Variants in SLC24A2 observed in about 807,000 individuals in gnomAD.
SLC24A2 encodes the protein sodium/potassium/calcium exchanger 2.
In SLC24A2, 36 loss-of-function variants were observed where a neutral mutation model predicts 62.0. The observed-to-expected ratio is 0.58, with a 90% CI of 0.44 to 0.77. The LOEUF is 0.77. Among genes scored for constraint, SLC24A2 ranks in the 30% least tolerant of loss-of-function variants. The probability of loss-of-function intolerance (pLI) is 0.00; values close to 1 mark genes in which losing one functional copy is unlikely to be tolerated. For missense variants in SLC24A2, 846 were observed against 817.9 expected (o/e 1.03, Z -0.42); for synonymous variants, 358 against 294.0 (o/e 1.22, Z -2.23).
Position 19,513,852 on chromosome 9 carries a change from C to T in SLC24A2, c.*2301G>A, listed in dbSNP as rs1204519832. 6.6e-6 allele frequency: 1 copy of T among 152,170 alleles called. No homozygotes were observed. The highest frequency in any genetic ancestry group is 1.5e-5 in the Non-Finnish European group (1 of 68,026). The allele number at this position is 152,170 out of a possible 1,614,324, so 9.4% of individuals were successfully genotyped here. A position where few individuals can be genotyped will look rare whatever the true frequency, so the allele number is the denominator to read the frequency against. On this transcript the variant is annotated 3_prime_UTR_variant, in exon 11 of 11. Transcript: ENST00000341998. ...AACTGGAGTTTTTAAACGTAAAGTT[C>T]ACTTCCTCATTCTTTCACTCTCTAA...
At chr9:19,921,025 C>A in the SLC24A2 span, among the ~76,000 whole-genome samples, 1 of 146,120 alleles carries the variant, frequency 6.8e-6, no homozygotes, top group Admixed American at 7.0e-5. Flanking sequence ...ATATAAGTAA[C>A]AAGTTTAGAA....
the SLC24A2 span, among the ~76,000 whole-genome samples, chr9:19,943,780 C>T: frequency 6.6e-6 from 1 of 152,116 alleles, no homozygotes; most frequent in African/African-American, 2.4e-5. Context: ...GCTATTTAGC[C>T]TTTTCTCTTC....
chr9:20,188,352 C>T, the SLC24A2 span, among the ~76,000 whole-genome samples: 1 of 152,090 alleles, frequency 6.6e-6, no homozygotes, highest in African/African-American at 2.4e-5. Context: ...CTGCTGTGAA[C>T]AAATGGGGTG....
chr9:20,006,043 A>G, the SLC24A2 span, among the ~76,000 whole-genome samples: 1 of 151,912 alleles, frequency 6.6e-6, no homozygotes, highest in Non-Finnish European at 1.5e-5. Flanking sequence ...ACATAGTCAC[A>G]TATTAAAATA....
the SLC24A2 span, among the ~76,000 whole-genome samples, chr9:19,984,191 A>G: frequency 6.6e-6 from 1 of 152,166 alleles, no homozygotes; most frequent in East Asian, 1.9e-4. Flanking sequence ...ATTCAATACA[A>G]TCTCTATCAA....
chr9:19,840,586 A>G, the SLC24A2 span, among the ~76,000 whole-genome samples: 2 of 152,156 alleles, frequency 1.3e-5, no homozygotes, highest in Non-Finnish European at 2.9e-5. Context: ...ATTGTTTTGT[A>G]ACTTTATATT....
At chr9:20,162,612 C>T in the SLC24A2 span, among the ~76,000 whole-genome samples, 2 of 152,004 alleles carry the variant, frequency 1.3e-5, no homozygotes, top group South Asian at 4.1e-4. Flanking sequence ...AAGAGGGAAT[C>T]CTCCCTAACT....
At chr9:19,934,748 C>T in the SLC24A2 span, among the ~76,000 whole-genome samples, 1 of 152,184 alleles carries the variant, frequency 6.6e-6, no homozygotes, top group Non-Finnish European at 1.5e-5. The surrounding 1 kb of genome is among the most constrained non-coding windows in gnomAD (Gnocchi z 4.1). Flanking sequence ...AGCTCGGGAA[C>T]TTTCTCTTTT....
the SLC24A2 span, among the ~76,000 whole-genome samples, chr9:20,110,382 A>T: frequency 6.6e-6 from 1 of 152,162 alleles, no homozygotes. Context: ...AACAGTCTAA[A>T]AGCTTCTGTA....
the SLC24A2 span, among the ~76,000 whole-genome samples, chr9:20,086,086 T>G: frequency 6.6e-6 from 1 of 152,200 alleles, no homozygotes; most frequent in Non-Finnish European, 1.5e-5. Flanking sequence ...CAGATGACAC[T>G]GTTGCTCCTC....
the SLC24A2 span, among the ~76,000 whole-genome samples, chr9:19,800,613 G>A: frequency 4.0e-3 from 606 of 151,788 alleles, 3 homozygotes; most frequent in Admixed American, 8.3e-3. Context: ...GAGGTGAGTG[G>A]GAAAAACATG....
At chr9:19,985,384 A>C in the SLC24A2 span, among the ~76,000 whole-genome samples, 1 of 152,218 alleles carries the variant, frequency 6.6e-6, no homozygotes, top group African/African-American at 2.4e-5. Flanking sequence ...ATAAACTTAC[A>C]ATGGAAATAC....
intron 4 of SLC24A2, among the ~76,000 whole-genome samples, chr9:19,606,655 C>T (rs2132924413): frequency 6.6e-6 from 1 of 151,802 alleles, no homozygotes; most frequent in East Asian, 1.9e-4. Context: ...CACACACACA[C>T]ACGCACACAC....
At chr9:20,096,199 G>C in the SLC24A2 span, among the ~76,000 whole-genome samples, 1 of 152,098 alleles carries the variant, frequency 6.6e-6, no homozygotes, top group East Asian at 1.9e-4. Context: ...AGCATTGTGA[G>C]ACCAAAAATT....
intron 7 of SLC24A2, among the ~76,000 whole-genome samples, chr9:19,550,843 G>C (rs1237850560): frequency 6.6e-6 from 1 of 151,900 alleles, no homozygotes; most frequent in Non-Finnish European, 1.5e-5. Context: ...GTGTAGTTGT[G>C]AGTTTTTTTC....
intron 5 of SLC24A2, among the ~76,000 whole-genome samples, chr9:19,596,635 A>C (rs986258792): frequency 1.3e-5 from 2 of 152,180 alleles, no homozygotes; most frequent in African/African-American, 4.8e-5. Flanking sequence ...GCCTATCCTC[A>C]TGGAGTGGGA....
At chr9:20,054,545 C>A in the SLC24A2 span, among the ~76,000 whole-genome samples, 1 of 152,164 alleles carries the variant, frequency 6.6e-6, no homozygotes, top group South Asian at 2.1e-4. Context: ...GCAGCATACA[C>A]TGGTACCCAA....
At chr9:20,075,507 T>C in the SLC24A2 span, among the ~76,000 whole-genome samples, 2 of 152,308 alleles carry the variant, frequency 1.3e-5, no homozygotes, top group African/African-American at 2.4e-5. Context: ...ATTGTTAGAC[T>C]GTAGGGTGAC....
chr9:19,971,297 G>C, the SLC24A2 span, among the ~76,000 whole-genome samples: 1 of 152,172 alleles, frequency 6.6e-6, no homozygotes, highest in African/African-American at 2.4e-5. Flanking sequence ...CATGAGTAAA[G>C]AATGTTTATT....
Sources: gnomAD v4.1 joint callset for allele counts (sites outside exome capture counted in the v4.1 genomes callset) on GRCh38, gnomAD v4.1.1 for gene constraint, Gnocchi (gnomAD v3.1) non-coding constraint, MANE v1.5 for transcripts, NCBI Gene and HGNC (gene_info 2026-07-23, HGNC 2026-07-21) for gene names.